The following FAAH2 variants were observed in gnomAD, a reference collection of about 807,000 sequenced individuals.
FAAH2 encodes fatty acid amide hydrolase 2, also known as fatty-acid amide hydrolase 2.
A neutral mutation model predicts 36.9 loss-of-function variants in FAAH2; 60 were observed. The ratio of observed to expected loss-of-function variants is 1.63; its 90% CI spans 1.32 to 2.02. The LOEUF is 2.02. Ranked by LOEUF, FAAH2 falls within the 30% of genes most tolerant of loss-of-function variation. FAAH2 has a pLI of 0.00. For synonymous variants in FAAH2, 214 were observed against 143.8 expected (o/e 1.49, Z -3.49); for missense variants, 689 against 397.5 (o/e 1.73, Z -6.23).
intron 8 of FAAH2, among the ~76,000 whole-genome samples, chrX:57,444,711 C>T (rs1295302611): frequency 9.0e-6 from 1 of 111,639 alleles, no homozygotes; most frequent in Non-Finnish European, 1.9e-5. Context: ...TCCTATTCAG[C>T]CATCTTGTAA....
chrX:57,312,671 T>TAA (rs1491189043), intron 3 of FAAH2, among the ~76,000 whole-genome samples: 5 of 53,180 alleles, frequency 9.4e-5, no homozygotes, highest in Non-Finnish European at 2.9e-4. Context: ...CAAAACTCCA[T>TAA]CAAAAAAAAA....
chrX:57,302,298 A>C (rs1277236846), intron 2 of FAAH2, among the ~76,000 whole-genome samples: 2 of 112,042 alleles, frequency 1.8e-5, no homozygotes, highest in African/African-American at 6.5e-5. Context: ...TAAAGGGGAA[A>C]ATAATATGGA....
the FAAH2 span, among the ~76,000 whole-genome samples, chrX:57,236,704 G>A: frequency 1.8e-5 from 2 of 111,026 alleles, no homozygotes; most frequent in Admixed American, 9.6e-5. Context: ...TTATTTGGGG[G>A]GGGTGTTTTT....
At chrX:57,388,815 A>G in intron 7 of FAAH2, among the ~76,000 whole-genome samples, 1 of 110,737 alleles carries the variant, frequency 9.0e-6, no homozygotes, top group Non-Finnish European at 1.9e-5. Context: ...CTGTCTTTAT[A>G]CTTTTGCCTT....
At chrX:57,218,332 G>A in the FAAH2 span, among the ~76,000 whole-genome samples, 14 of 111,698 alleles carry the variant, frequency 1.3e-4, no homozygotes, top group South Asian at 4.9e-3. Flanking sequence ...TGTTGACTCT[G>A]GGTTTGTCAT....
In FAAH2 at chrX:57,368,004, C is replaced by T. The variant is rs764751091; in HGVS notation, c.743-10647C>T. Among the ~76,000 whole-genome samples, 7 of 111,737 alleles carry T rather than the reference C, an allele frequency of 6.3e-5. No individual in the cohort carries two copies. In the Admixed American group the frequency reaches 6.6e-4, roughly 11 times the overall value. Reference sequence around the variant, plus strand: ...TGAGGGCAATAACCACTTCATGCCTCCATCCCTGAGGTTTTGCCATCATTA... The same window carrying T: ...TGAGGGCAATAACCACTTCATGCCTTCATCCCTGAGGTTTTGCCATCATTA... On this transcript the variant is annotated intron_variant, in intron 5 of 10. Transcript: ENST00000374900.
intron 7 of FAAH2, among the ~76,000 whole-genome samples, chrX:57,418,959 C>T (rs1307324180): frequency 4.0e-5 from 4 of 100,242 alleles, no homozygotes; most frequent in Non-Finnish European, 8.0e-5. Context: ...TGAGTGAGAA[C>T]ATGCGGTGTT....
At chrX:57,268,876 A>C in the FAAH2 span, among the ~76,000 whole-genome samples, 6 of 111,752 alleles carry the variant, frequency 5.4e-5, no homozygotes, top group African/African-American at 2.0e-4. Context: ...ACAGGATCAA[A>C]TCCACACATA....
intron 5 of FAAH2, among the ~76,000 whole-genome samples, chrX:57,345,105 G>T (rs972058128): frequency 3.0e-5 from 3 of 98,701 alleles, no homozygotes; most frequent in African/African-American, 1.2e-4. Context: ...ATGAGTTAAA[G>T]AGCATCCTCT....
chrX:57,403,254 T>C (rs2055483549), intron 7 of FAAH2, among the ~76,000 whole-genome samples: 1 of 112,361 alleles, frequency 8.9e-6, no homozygotes, highest in Non-Finnish European at 1.9e-5. Context: ...CCAATGGACA[T>C]TAGTCTTACA....
chrX:57,419,353 AT>A (rs1335277393), intron 7 of FAAH2, among the ~76,000 whole-genome samples: 1 of 110,614 alleles, frequency 9.0e-6, no homozygotes, highest in African/African-American at 3.3e-5. Flanking sequence ...AAGTGTTCCT[AT>A]TTCTCCACAT....
At chrX:57,155,478 C>G in the FAAH2 span, among the ~76,000 whole-genome samples, 8 of 111,801 alleles carry the variant, frequency 7.2e-5, no homozygotes, top group Non-Finnish European at 1.3e-4. Flanking sequence ...CCAGCTCCCA[C>G]GCAACCAAAA....
intron 4 of FAAH2, among the ~76,000 whole-genome samples, chrX:57,333,722 C>T (rs1199849348): frequency 1.8e-5 from 2 of 110,221 alleles, no homozygotes; most frequent in African/African-American, 3.3e-5. Flanking sequence ...AACTGAAATG[C>T]AAAGAGGAAG....
chrX:57,459,654 G>A (rs781630281), intron 10 of FAAH2, among the ~76,000 whole-genome samples: 2 of 112,405 alleles, frequency 1.8e-5, no homozygotes, highest in East Asian at 5.6e-4. Flanking sequence ...GAAGAAGCAG[G>A]CAGCAATCTT....
At position 57,488,911 on chromosome X, in the gene FAAH2, G is replaced by C; in HGVS notation, c.1578G>C (p.Trp526Cys). Residue 526 changes from tryptophan to cysteine, a missense_variant, in exon 11 of 11, where the codon TGG becomes TGC. Transcript: ENST00000374900. Reference protein sequence around the residue: ...AQYLEKTFGGWVCPGKF With the variant: ...AQYLEKTFGGCVCPGKF ...ACTTGGAGAAAACTTTTGGGGGCTG[G>C]GTCTGTCCAGGAAAGTTTTAGGAGG... 8.3e-7 allele frequency: 1 copy of C among 1,209,903 alleles called. No individual in the cohort carries two copies. Among genetic ancestry groups the C allele is most frequent in the Admixed American group, 2.2e-5 (1 of 45,691 alleles).
At chrX:57,343,391 T>C (rs1256335617) in intron 5 of FAAH2, among the ~76,000 whole-genome samples, 7 of 111,978 alleles carry the variant, frequency 6.3e-5, no homozygotes, top group Non-Finnish European at 9.4e-5. Flanking sequence ...TCATTTTTTA[T>C]AGGTTTCTTG....
chrX:57,454,171 C>A (rs1209295373), intron 10 of FAAH2, among the ~76,000 whole-genome samples: 1 of 111,923 alleles, frequency 8.9e-6, no homozygotes, highest in Non-Finnish European at 1.9e-5. Context: ...TTAAGCGCCA[C>A]CTGCTGGATC....
chrX:57,265,960 C>A, the FAAH2 span, among the ~76,000 whole-genome samples: 1 of 111,213 alleles, frequency 9.0e-6, no homozygotes, highest in African/African-American at 3.3e-5. Flanking sequence ...AGGTTTCAGA[C>A]CTCCCTGGGA....
At chrX:57,467,035 A>C (rs769850659) in intron 10 of FAAH2, among the ~76,000 whole-genome samples, 7 of 111,143 alleles carry the variant, frequency 6.3e-5, no homozygotes, top group South Asian at 3.8e-4. Context: ...TTTGTTGCTG[A>C]TGATGATGAT....
Sources: gnomAD v4.1 joint callset for allele counts (sites outside exome capture counted in the v4.1 genomes callset) on GRCh38, gnomAD v4.1.1 for gene constraint, MANE v1.5 for transcripts, NCBI Gene and HGNC (gene_info 2026-07-23, HGNC 2026-07-21) for gene names.